DDC: variants seen among roughly 807,000 people sequenced by gnomAD.
DDC encodes aromatic-L-amino-acid decarboxylase.
DDC carries 43 observed loss-of-function variants against 60.0 expected under a neutral mutation model. That is an observed-to-expected ratio of 0.72 (90% CI 0.56 to 0.92). The LOEUF (loss-of-function observed/expected upper bound fraction) is 0.92, where lower values mean the gene tolerates loss of function less well. DDC is among the 40% of genes least tolerant of loss of function. DDC has a pLI of 0.00. For synonymous variants in DDC, 232 were observed against 234.6 expected, an observed-to-expected ratio of 0.99 and a Z score of 0.10; for missense variants, 573 against 620.2, an observed-to-expected ratio of 0.92 and a Z score of 0.81.
At chr7:50,487,525 C>G (rs2042911769) in intron 9 of DDC, among the ~76,000 whole-genome samples, 1 of 151,780 alleles carries the variant, frequency 6.6e-6, no homozygotes, top group South Asian at 2.1e-4. Context: ...TTTTTGTAAA[C>G]TGATGAGTCT....
intron 13 of DDC, among the ~76,000 whole-genome samples, chr7:50,466,827 A>G (rs2042409458): frequency 6.6e-6 from 1 of 152,252 alleles, no homozygotes; most frequent in Admixed American, 6.5e-5. Flanking sequence ...AGGAGCTCCC[A>G]GACAATGCTG....
intron 6 of DDC, among the ~76,000 whole-genome samples, chr7:50,514,386 G>A (rs771913134): frequency 2.6e-5 from 4 of 152,030 alleles, no homozygotes; most frequent in Non-Finnish European, 5.9e-5. Context: ...GAAAGAACCA[G>A]GAAACCAACC....
intron 6 of DDC, among the ~76,000 whole-genome samples, chr7:50,511,553 C>T (rs143514096): frequency 6.6e-6 from 1 of 151,950 alleles, no homozygotes; most frequent in South Asian, 2.1e-4. Flanking sequence ...ACGGTGAAAC[C>T]GTGTCTCTAC....
At chr7:50,547,802 T>A (rs536765579) in intron 1 of DDC, among the ~76,000 whole-genome samples, 3 of 152,352 alleles carry the variant, frequency 2.0e-5, no homozygotes, top group Non-Finnish European at 4.4e-5. Flanking sequence ...GCTGCCATGC[T>A]AAACCTCATT....
At chr7:50,519,398 C>A (rs906621541) in intron 6 of DDC, among the ~76,000 whole-genome samples, 2 of 152,106 alleles carry the variant, frequency 1.3e-5, no homozygotes, top group Non-Finnish European at 1.5e-5. Flanking sequence ...TGGGTATCTA[C>A]CCAGAGGAAA....
intron 10 of DDC, 129 bp from the exon 11 acceptor site, chr7:50,476,772 T>C (rs2042655871): frequency 2.5e-6 from 2 of 804,656 alleles, no homozygotes; most frequent in East Asian, 5.3e-5. Flanking sequence ...GCCCAAAGGC[T>C]GGGTCTGGGT....
intron 9 of DDC, among the ~76,000 whole-genome samples, chr7:50,495,068 T>A (rs999678145): frequency 6.6e-6 from 1 of 152,198 alleles, no homozygotes; most frequent in Non-Finnish European, 1.5e-5. Flanking sequence ...GAATTAGAAG[T>A]GTGTACTTGC....
chr7:50,522,261 A>AT (rs1381686616), intron 6 of DDC, among the ~76,000 whole-genome samples: 5 of 152,190 alleles, frequency 3.3e-5, no homozygotes, highest in East Asian at 3.8e-4. Flanking sequence ...AATGAAGAAA[A>AT]TTTTTTAAAA....
In DDC at chr7:50,490,043, G is replaced by A. The variant is rs185045752; in HGVS notation, c.944+5307C>T. On this transcript the variant is annotated intron_variant, in intron 9 of 14. Coordinates refer to ENST00000444124, the MANE Select transcript of DDC (RefSeq NM_001082971.2). Reference sequence around the variant, plus strand: ...AAGGTTGTGAAATCTTTGAGTTATCGCTTTGGCTAAATGAATGACTGATTT... The same window carrying A: ...AAGGTTGTGAAATCTTTGAGTTATCACTTTGGCTAAATGAATGACTGATTT... 4.8e-3 allele frequency among the ~76,000 whole-genome samples: 731 copies of A among 152,208 alleles called. 2 individuals are homozygous for A. Among genetic ancestry groups the A allele is most frequent in the Non-Finnish European group, 7.7e-3 (523 of 68,016 alleles).
chr7:50,500,404 G>A (rs1470748), intron 7 of DDC, among the ~76,000 whole-genome samples: 14,747 of 152,136 alleles, frequency 0.097, 1,071 homozygotes, highest in South Asian at 0.12. Context: ...TGGGCTTTGC[G>A]GGGGACACAA....
intron 4 of DDC, chr7:50,531,781 G>A (rs80071132): frequency 0.1 from 15,191 of 152,020 alleles, 808 homozygotes; most frequent in Non-Finnish European, 0.12. Flanking sequence ...GCAGATCTTC[G>A]CGGAGAGAAG....
At chr7:50,521,136 C>T (rs1301129011) in intron 6 of DDC, among the ~76,000 whole-genome samples, 1 of 151,874 alleles carries the variant, frequency 6.6e-6, no homozygotes, top group East Asian at 1.9e-4. Context: ...ATTACTAATC[C>T]TATGGACATT....
chr7:50,475,925 G>C (rs1291635368), intron 11 of DDC, among the ~76,000 whole-genome samples: 1 of 152,022 alleles, frequency 6.6e-6, no homozygotes, highest in Admixed American at 6.6e-5. Context: ...CCTGACCTCA[G>C]ATGATCCACC....
intron 9 of DDC, chr7:50,492,655 G>A: frequency 8.7e-7 from 1 of 1,151,980 alleles, no homozygotes; most frequent in Non-Finnish European, 1.1e-6. Context: ...TGTGTCTTAG[G>A]GCTTACGTTT....
intron 6 of DDC, among the ~76,000 whole-genome samples, chr7:50,514,169 C>G (rs1037542820): frequency 6.6e-6 from 1 of 152,152 alleles, no homozygotes; most frequent in African/African-American, 2.4e-5. Context: ...TGCAGATAAC[C>G]CCTGGTACCA....
intron 9 of DDC, among the ~76,000 whole-genome samples, chr7:50,490,915 A>G (rs2042985901): frequency 6.6e-6 from 1 of 152,236 alleles, no homozygotes. Flanking sequence ...ATTTAATACA[A>G]TTGGGGAACT....
intron 6 of DDC, 50 bp downstream of exon 6, chr7:50,528,087 G>C (rs549792605): frequency 1.2e-6 from 2 of 1,602,656 alleles, no homozygotes; most frequent in East Asian, 4.5e-5. Flanking sequence ...TTTTAGTAGA[G>C]ACGGAGTTTC....
chr7:50,558,048 G>A (rs2045240411), intron 1 of DDC, among the ~76,000 whole-genome samples: 1 of 151,710 alleles, frequency 6.6e-6, no homozygotes, highest in Admixed American at 6.6e-5. Context: ...TTATTGAAGA[G>A]TTATGTCAGA....
At chr7:50,517,897 A>G (rs2043780087) in intron 6 of DDC, among the ~76,000 whole-genome samples, 1 of 151,682 alleles carries the variant, frequency 6.6e-6, no homozygotes, top group African/African-American at 2.4e-5. Context: ...CAGGAGAACT[A>G]CAAAACATTG....
Sources: gnomAD v4.1 joint callset for allele counts (sites outside exome capture counted in the v4.1 genomes callset) on GRCh38, gnomAD v4.1.1 for gene constraint, MANE v1.5 for transcripts, NCBI Gene and HGNC (gene_info 2026-07-23, HGNC 2026-07-21) for gene names.